The following STARD13 variants were observed in gnomAD, a reference collection of about 807,000 sequenced individuals.
The protein encoded by STARD13 is stAR-related lipid transfer protein 13.
Under a neutral mutation model 106.4 loss-of-function variants are expected in STARD13, and 62 were observed. That is an observed-to-expected ratio of 0.58 (90% CI 0.48 to 0.72). The LOEUF (loss-of-function observed/expected upper bound fraction) is 0.72, where lower values mean the gene tolerates loss of function less well. Ranked by LOEUF, STARD13 falls within the 30% of genes least tolerant of loss-of-function variation. The pLI, the probability that STARD13 is intolerant of heterozygous loss-of-function variation, is 0.00. For missense variants in STARD13, 1,387 were observed against 1,424.0 expected (o/e 0.97, Z 0.42); for synonymous variants, 565 against 553.0 (o/e 1.02, Z -0.31).
At chr13:33,519,268 CTTTCTTTT>C in the STARD13 span, among the ~76,000 whole-genome samples, 1 of 140,968 alleles carries the variant, frequency 7.1e-6, no homozygotes. Context: ...TTCTTTCTTT[CTTTCTTTT>C]CTTTCTCTTT....
chr13:33,544,768 CTCTT>C, the STARD13 span, among the ~76,000 whole-genome samples: 3,529 of 131,610 alleles, frequency 0.027, 136 homozygotes, highest in African/African-American at 0.094. Flanking sequence ...GTTGTTTTTT[CTCTT>C]TTTTTTTTTT....
chr13:33,197,139 G>A lies in STARD13; in HGVS notation c.170-29517C>T, dbSNP rs556916923. Among the ~76,000 whole-genome samples the A allele has an allele frequency of 7.6e-4, 115 of 152,188 alleles. 1 individual carries two copies. Among genetic ancestry groups the A allele is most frequent in the Non-Finnish European group, 1.2e-3 (84 of 67,942 alleles). On this transcript the variant is annotated intron_variant, in intron 1 of 13. Transcript: ENST00000336934. ...AGCCTTTTTCACACATGGCACACACGTTGTGTTTGTACTACATGCTGGGAT... is the reference window on the plus strand; with the variant it reads ...AGCCTTTTTCACACATGGCACACACATTGTGTTTGTACTACATGCTGGGAT...
At chr13:33,128,642 T>C (rs941978287) in intron 5 of STARD13, among the ~76,000 whole-genome samples, 1 of 152,216 alleles carries the variant, frequency 6.6e-6, no homozygotes, top group African/African-American at 2.4e-5. Flanking sequence ...TCCCTGCCTA[T>C]GGTGCCCAGT....
intron 1 of STARD13, among the ~76,000 whole-genome samples, chr13:33,229,665 C>CGAA (rs1888811008): frequency 6.6e-6 from 1 of 152,206 alleles, no homozygotes; most frequent in African/African-American, 2.4e-5. Context: ...GCCTGTTTTT[C>CGAA]ACTAGCTTTG....
the STARD13 span, chr13:33,524,297 T>C: frequency 1.1e-4 from 138 of 1,278,762 alleles, no homozygotes; most frequent in Non-Finnish European, 1.3e-4. Flanking sequence ...AGATTCTGGA[T>C]GTTTGCAGTT....
chr13:33,462,130 G>A, the STARD13 span, among the ~76,000 whole-genome samples: 2 of 151,982 alleles, frequency 1.3e-5, no homozygotes, highest in African/African-American at 4.8e-5. Context: ...ACATATATTC[G>A]TTTATTCTGC....
At chr13:33,671,310 G>A in the STARD13 span, among the ~76,000 whole-genome samples, 2 of 152,350 alleles carry the variant, frequency 1.3e-5, no homozygotes, top group East Asian at 3.9e-4. Context: ...AAGACCATAT[G>A]TCTTCCAATA....
At chr13:33,127,266 G>T in intron 6 of STARD13, 107 bp downstream of exon 6, 2 of 1,237,022 alleles carry the variant, frequency 1.6e-6, no homozygotes, top group Non-Finnish European at 2.2e-6. Flanking sequence ...ATCAGTGAAG[G>T]CAATGAATGG....
chr13:33,195,318 C>T (rs1886534800), intron 1 of STARD13, among the ~76,000 whole-genome samples: 1 of 152,204 alleles, frequency 6.6e-6, no homozygotes, highest in South Asian at 2.1e-4. Flanking sequence ...GATTTAGCCA[C>T]TCTCTCTGTA....
chr13:33,547,017 T>A, the STARD13 span, among the ~76,000 whole-genome samples: 1 of 152,220 alleles, frequency 6.6e-6, no homozygotes, highest in Non-Finnish European at 1.5e-5. Context: ...ATTTGAGCCC[T>A]GCCAATTATA....
chr13:33,135,140 C>A (rs1378380400), intron 4 of STARD13, among the ~76,000 whole-genome samples: 1 of 152,216 alleles, frequency 6.6e-6, no homozygotes, highest in African/African-American at 2.4e-5. Context: ...GAACCACAAC[C>A]TCCTGGGGTG....
chr13:33,528,227 T>TGTGTGTATATATATATAC, the STARD13 span, among the ~76,000 whole-genome samples: 1 of 110,976 alleles, frequency 9.0e-6, no homozygotes, highest in African/African-American at 3.8e-5. Context: ...TGTGTGTGTG[T>TGTGTGTATATATATATAC]ATATATATAT....
chr13:33,555,975 A>G, the STARD13 span, among the ~76,000 whole-genome samples: 1 of 152,210 alleles, frequency 6.6e-6, no homozygotes, highest in African/African-American at 2.4e-5. Flanking sequence ...AAAATAAATG[A>G]CAGAGCCATG....
At chr13:33,490,831 G>A in the STARD13 span, among the ~76,000 whole-genome samples, 1 of 152,212 alleles carries the variant, frequency 6.6e-6, no homozygotes, top group African/African-American at 2.4e-5. Context: ...AGCCGTCTGC[G>A]GGTGGCCAAG....
Position 33,109,923 on chromosome 13 carries a change from A to G in STARD13, c.2997T>C (p.Tyr999=). ...GATGGGGAGCCATGCTGTTCAGCAC[A>G]TACTGGTAGATCTCTGTTTGCCTGT... The part of the protein sequence containing the change: ...TLDRQTEIYQ[Y]VLNSMAPHPS... Residue 999 remains tyrosine (Y), a synonymous_variant, in exon 12 of 14, where the codon TAT becomes TAC. Transcript: ENST00000336934. The G allele has an allele frequency of 6.2e-7, 1 of 1,614,258 alleles. No individual in the cohort carries two copies. Among genetic ancestry groups the G allele is most frequent in the Non-Finnish European group, 8.5e-7 (1 of 1,180,048 alleles).
chr13:33,187,184 A>T (rs1240060384), intron 1 of STARD13, among the ~76,000 whole-genome samples: 2 of 152,074 alleles, frequency 1.3e-5, no homozygotes, highest in Non-Finnish European at 2.9e-5. Context: ...GACCTGGGGG[A>T]TGTGAAGAGA....
intron 12 of STARD13, among the ~76,000 whole-genome samples, chr13:33,108,950 T>C (rs548207209): frequency 5.3e-5 from 8 of 152,278 alleles, no homozygotes; most frequent in Middle Eastern, 6.8e-3. Flanking sequence ...TAAATACATA[T>C]ATTTAGGGAA....
the STARD13 span, among the ~76,000 whole-genome samples, chr13:33,393,027 A>G: frequency 6.6e-6 from 1 of 152,236 alleles, no homozygotes; most frequent in Non-Finnish European, 1.5e-5. Flanking sequence ...TTTATAACTG[A>G]TGTCAAGATC....
At chr13:33,123,493 C>T (rs190730858) in intron 7 of STARD13, among the ~76,000 whole-genome samples, 1 of 152,196 alleles carries the variant, frequency 6.6e-6, no homozygotes. Flanking sequence ...GGTTCAGCCT[C>T]TCACTGCGGT....
Sources: allele counts gnomAD v4.1 joint callset (sites outside exome capture counted in the v4.1 genomes callset), GRCh38; gene constraint gnomAD v4.1.1; transcripts MANE v1.5; gene names NCBI Gene and HGNC (gene_info 2026-07-23, HGNC 2026-07-21).